Variants in MYO6 observed in about 807,000 individuals in gnomAD.
MYO6 encodes the protein myosin VI.
In MYO6, 74 loss-of-function variants were observed where a neutral mutation model predicts 178.7. That is an observed-to-expected ratio of 0.41 (90% CI 0.34 to 0.50). The LOEUF (loss-of-function observed/expected upper bound fraction) is 0.50, where lower values mean the gene tolerates loss of function less well. Ranked by LOEUF, MYO6 falls within the 20% of genes least tolerant of loss-of-function variation. The probability of loss-of-function intolerance (pLI) is 0.09; values close to 1 mark genes in which losing one functional copy is unlikely to be tolerated. For synonymous variants in MYO6, 477 were observed against 504.6 expected, an observed-to-expected ratio of 0.95 and a Z score of 0.73; for missense variants, 1,330 against 1,547.4, an observed-to-expected ratio of 0.86 and a Z score of 2.36.
chr6:75,783,711 C>A (rs1196460091), intron 1 of MYO6, among the ~76,000 whole-genome samples: 1 of 151,986 alleles, frequency 6.6e-6, no homozygotes, highest in African/African-American at 2.4e-5. Flanking sequence ...TGCCTAGGAT[C>A]CACCTATCAT....
chr6:75,768,031 G>A (rs1778587534), intron 1 of MYO6: 1 of 151,780 alleles, frequency 6.6e-6, no homozygotes. Flanking sequence ...TGTTGGAAGA[G>A]CTGCCCAGTG....
chr6:75,905,585 G>T (rs1255639101), intron 30 of MYO6, among the ~76,000 whole-genome samples: 2 of 152,302 alleles, frequency 1.3e-5, no homozygotes, highest in Middle Eastern at 3.4e-3. Flanking sequence ...GCTGGCACAC[G>T]GTGCGCGCAC....
intron 27 of MYO6, 150 bp from the exon 28 acceptor site, chr6:75,892,380 T>C: frequency 9.5e-7 from 1 of 1,048,026 alleles, no homozygotes; most frequent in South Asian, 1.3e-5. Context: ...GAGAAGAAAG[T>C]AGAGACTGAA....
intron 30 of MYO6, among the ~76,000 whole-genome samples, chr6:75,906,727 C>A (rs910973668): frequency 6.6e-6 from 1 of 151,994 alleles, no homozygotes; most frequent in Admixed American, 6.6e-5. Flanking sequence ...AAAAAGCAGG[C>A]CTTAAAGCAC....
At chr6:75,879,669 G>A (rs1179755063) in intron 20 of MYO6, 151 bp from the exon 21 acceptor site, 2 of 1,041,714 alleles carry the variant, frequency 1.9e-6, no homozygotes, top group South Asian at 1.4e-5. Flanking sequence ...GACATAATGA[G>A]CATAAATATT....
rs548124467 is a variant in MYO6, at chr6:75,834,231, TG to T, written c.497+1285del. ...GTTTGTTTGTTTGTTTGGTTTGGTT[TG>T]TTTTTTTTTGAAAACAGGGTCTTGC... is the stretch of plus-strand genomic sequence containing the variant. On this transcript the variant is annotated intron_variant, in intron 6 of 34. Coordinates refer to ENST00000369977, the MANE Select transcript of MYO6 (RefSeq NM_004999.4). 9.1e-4 allele frequency among the ~76,000 whole-genome samples: 139 copies of T among 152,200 alleles called. 1 individual carries two copies. Among genetic ancestry groups the T allele is most frequent in the East Asian group, 2.9e-3 (15 of 5,182 alleles).
At chr6:75,817,381 G>T in intron 1 of MYO6, 120 bp from the exon 2 acceptor site, 1 of 663,560 alleles carries the variant, frequency 1.5e-6, no homozygotes, top group Non-Finnish European at 2.7e-6. Context: ...ATTTTATGTG[G>T]CATGGGCAGA....
chr6:75,897,833 C>G (rs3798425), intron 29 of MYO6, among the ~76,000 whole-genome samples: 36,739 of 152,130 alleles, frequency 0.24, 5,575 homozygotes, highest in Middle Eastern at 0.39. Context: ...CAGAATGCCT[C>G]AGATCTTTCA....
At chr6:75,812,802 A>G (rs910720586) in intron 1 of MYO6, among the ~76,000 whole-genome samples, 3 of 152,116 alleles carry the variant, frequency 2.0e-5, no homozygotes, top group African/African-American at 7.2e-5. Context: ...TGGCTGAATA[A>G]TACTCCACTG....
chr6:75,862,844 A>G (rs1209359651), intron 16 of MYO6, 121 bp downstream of exon 16: 14 of 1,136,060 alleles, frequency 1.2e-5, no homozygotes, highest in Non-Finnish European at 1.8e-5. Flanking sequence ...TAGAGCAACT[A>G]TATTATATCC....
chr6:75,761,970 C>T (rs549310522), intron 1 of MYO6, among the ~76,000 whole-genome samples: 2 of 151,064 alleles, frequency 1.3e-5, no homozygotes, highest in African/African-American at 2.4e-5. Context: ...CTCACTCTGT[C>T]GCCCAGGCTG....
chr6:75,802,611 C>T (rs1257886992), intron 1 of MYO6, among the ~76,000 whole-genome samples: 7 of 151,652 alleles, frequency 4.6e-5, no homozygotes, highest in African/African-American at 1.2e-4. Flanking sequence ...CCTCCCACCA[C>T]GCCAGCTGGG....
intron 1 of MYO6, among the ~76,000 whole-genome samples, chr6:75,815,782 C>A (rs534268754): frequency 6.6e-6 from 1 of 152,336 alleles, no homozygotes; most frequent in South Asian, 2.1e-4. Flanking sequence ...CACCTGAGAG[C>A]ATCCACATGA....
chr6:75,915,452 C>G lies in MYO6; in HGVS notation c.*440C>G, dbSNP rs1781072665. On this transcript the variant is annotated 3_prime_UTR_variant, in exon 35 of 35. Coordinates refer to ENST00000369977, the MANE Select transcript of MYO6 (RefSeq NM_004999.4). ...TAAACCACTTAAAATGATCAAGGCA[C>G]TAATGTTTTGGTCTGAAAAGCTGTG... The G allele has an allele frequency of 5.7e-6, 1 of 174,320 alleles. No individual in the cohort carries two copies. Among genetic ancestry groups the G allele is most frequent in the African/African-American group, 2.4e-5 (1 of 41,862 alleles). 10.8% of individuals were successfully genotyped at this position (174,320 alleles called of 1,614,324 possible).
intron 18 of MYO6, chr6:75,867,431 C>T (rs144455841): frequency 1.7e-4 from 42 of 252,716 alleles, no homozygotes; most frequent in Middle Eastern, 3.2e-3. Flanking sequence ...CCTCATTCAG[C>T]GGTTTTGTTT....
intron 7 of MYO6, 42 bp from the exon 8 acceptor site, chr6:75,840,543 C>T (rs113249518): frequency 9.2e-6 from 12 of 1,308,756 alleles, no homozygotes; most frequent in Admixed American, 5.0e-5. Flanking sequence ...TGTAATGTTC[C>T]GTCATGCTAA....
chr6:75,843,775 C>A (rs1166408730), intron 9 of MYO6, among the ~76,000 whole-genome samples: 2 of 149,434 alleles, frequency 1.3e-5, no homozygotes, highest in African/African-American at 2.5e-5. Context: ...AAAAAAAAAA[C>A]CATGTATATA....
chr6:75,787,714 CTCTCTCTCTCTCTCTCTATATATATATA>C (rs1408222193), intron 1 of MYO6, among the ~76,000 whole-genome samples: 66 of 61,482 alleles, frequency 1.1e-3, no homozygotes, highest in Non-Finnish European at 1.8e-3. Context: ...CTCTCTCTCT[CTCTCTCTCTCTCTCTCTATATATATATA>C]TATATATATA....
chr6:75,771,878 T>C (rs941643418), intron 1 of MYO6, among the ~76,000 whole-genome samples: 18 of 152,212 alleles, frequency 1.2e-4, no homozygotes, highest in African/African-American at 4.3e-4. Flanking sequence ...AGTAAAACTT[T>C]CTTGTCAGGT....
Sources: allele counts gnomAD v4.1 joint callset (sites outside exome capture counted in the v4.1 genomes callset), GRCh38; gene constraint gnomAD v4.1.1; transcripts MANE v1.5; gene names NCBI Gene and HGNC (gene_info 2026-07-23, HGNC 2026-07-21).